Variants in PIK3R1 observed in about 807,000 individuals in gnomAD.
PIK3R1 encodes the protein phosphatidylinositol 3-kinase regulatory subunit alpha.
In PIK3R1, 29 loss-of-function variants were observed where a neutral mutation model predicts 98.0. That is an observed-to-expected ratio of 0.30 (90% CI 0.22 to 0.40). The LOEUF is 0.40. Ranked by LOEUF, PIK3R1 falls within the 10% of genes least tolerant of loss-of-function variation. The pLI is 1.00. For missense variants in PIK3R1, 596 were observed against 872.7 expected (o/e 0.68, Z 3.99); for synonymous variants, 282 against 311.8 (o/e 0.90, Z 1.01).
chr5:68,292,508 T>A (rs1480475045), intron 8 of PIK3R1, 147 bp downstream of exon 8: 54 of 1,508,852 alleles, frequency 3.6e-5, no homozygotes, highest in Non-Finnish European at 4.6e-5. Context: ...AAAAAGTCAC[T>A]GAGCACTGGA....
At chr5:68,256,519 C>T (rs755233308) in intron 2 of PIK3R1, among the ~76,000 whole-genome samples, 1 of 152,118 alleles carries the variant, frequency 6.6e-6, no homozygotes. Flanking sequence ...TGTGAGCCAC[C>T]GCACCCAGCA....
intron 2 of PIK3R1, among the ~76,000 whole-genome samples, chr5:68,258,344 CTTTGAA>C (rs35255745): frequency 0.016 from 2,440 of 152,250 alleles, 27 homozygotes; most frequent in Non-Finnish European, 0.025. Context: ...GTATTAGAGA[CTTTGAA>C]TTTGAGGATC....
intron 2 of PIK3R1, among the ~76,000 whole-genome samples, chr5:68,256,386 C>T (rs112422333): frequency 5.9e-4 from 90 of 152,222 alleles, no homozygotes; most frequent in Admixed American, 1.3e-3. Context: ...CCCGCCACCA[C>T]GCCCAGCTAA....
intron 2 of PIK3R1, among the ~76,000 whole-genome samples, chr5:68,251,709 T>G (rs889717346): frequency 1.3e-5 from 2 of 152,212 alleles, no homozygotes; most frequent in Admixed American, 6.5e-5. Context: ...TTTCAAGTTT[T>G]TCAGCCTTTT....
chr5:68,221,274 C>T (rs73126554), intron 1 of PIK3R1, among the ~76,000 whole-genome samples: 2,325 of 152,228 alleles, frequency 0.015, 67 homozygotes, highest in African/African-American at 0.053. Flanking sequence ...TAATTTTGTT[C>T]GTCTTGATTT....
intron 2 of PIK3R1, among the ~76,000 whole-genome samples, chr5:68,251,001 C>G (rs1745285620): frequency 6.6e-6 from 1 of 152,134 alleles, no homozygotes; most frequent in African/African-American, 2.4e-5. Context: ...GAAAGTTAAT[C>G]TGGTGCTCCG....
At position 68,239,683 on chromosome 5, in the gene PIK3R1, C is replaced by T. The variant is rs1235068453; in HGVS notation, c.334+12674C>T. Reference sequence around the variant, plus strand: ...CAACTGTGCAATACAGCGAAAGGGGCGCCGGGGGTTAATGTTCACACTGCT... The same window carrying T: ...CAACTGTGCAATACAGCGAAAGGGGTGCCGGGGGTTAATGTTCACACTGCT... On this transcript the variant is annotated intron_variant, in intron 2 of 15. Transcript: ENST00000521381. 5.3e-5 allele frequency among the ~76,000 whole-genome samples: 8 copies of T among 152,202 alleles called. No homozygotes were observed. The East Asian group carries it at 5.8e-4, about 11-fold the overall frequency.
In PIK3R1 at chr5:68,298,796, G is replaced by T; in HGVS notation, c.*1195G>T. The T allele has an allele frequency of 4.5e-6, 1 of 222,954 alleles. No individual in the cohort carries two copies. The highest frequency in any genetic ancestry group is 8.9e-6 in the Non-Finnish European group (1 of 112,300). 13.8% of individuals were successfully genotyped at this position (222,954 alleles called of 1,614,324 possible). A position where few individuals can be genotyped will look rare whatever the true frequency, so the allele number is the denominator to read the frequency against. The stretch of plus-strand genomic sequence containing the variant: ...AAGTATTGCTGAGTCCAACAATGTT[G>T]TTTTAAGACTCTTAAAATACGGTAC... On this transcript the variant is annotated 3_prime_UTR_variant, in exon 16 of 16. Transcript: ENST00000521381.
chr5:68,288,740 A>G (rs138360943), intron 7 of PIK3R1: 1 of 1,613,840 alleles, frequency 6.2e-7, no homozygotes, highest in South Asian at 1.1e-5. Context: ...GTTGAAATGC[A>G]TAACCTGCAA....
chr5:68,279,850 T>C, intron 5 of PIK3R1, 117 bp downstream of exon 5: 5 of 936,820 alleles, frequency 5.3e-6, no homozygotes, highest in Non-Finnish European at 8.0e-6. Flanking sequence ...AACCTGTCCC[T>C]CCCCCAACAA....
intron 12 of PIK3R1, 77 bp from the exon 13 acceptor site, chr5:68,295,060 TGGGAAACCATA>T (rs1296185624): frequency 2.4e-5 from 26 of 1,101,238 alleles, no homozygotes; most frequent in Non-Finnish European, 3.0e-5. Flanking sequence ...GGAAAACTGC[TGGGAAACCATA>T]GTGAAACTTT....
chr5:68,285,918 G>A (rs752494331), intron 7 of PIK3R1, among the ~76,000 whole-genome samples: 5 of 152,162 alleles, frequency 3.3e-5, no homozygotes, highest in Non-Finnish European at 7.3e-5. Flanking sequence ...ATTATGAAGA[G>A]AGGTATTCAT....
intron 2 of PIK3R1, among the ~76,000 whole-genome samples, chr5:68,246,613 A>C (rs1348544681): frequency 1.3e-5 from 2 of 151,864 alleles, no homozygotes; most frequent in African/African-American, 4.8e-5. Flanking sequence ...GCGCCCGTCC[A>C]TGTGTGTCTT....
At chr5:68,267,871 A>G (rs1746188066) in intron 2 of PIK3R1, among the ~76,000 whole-genome samples, 1 of 152,124 alleles carries the variant, frequency 6.6e-6, no homozygotes, top group Non-Finnish European at 1.5e-5. Context: ...ATGCAAATAT[A>G]TACAAGGCAA....
chr5:68,249,423 A>G (rs1004853237), intron 2 of PIK3R1, among the ~76,000 whole-genome samples: 2 of 152,222 alleles, frequency 1.3e-5, no homozygotes, highest in Non-Finnish European at 2.9e-5. Context: ...TTTCCATAAA[A>G]CCAGATGTAC....
chr5:68,225,127 A>G (rs1213499962), intron 1 of PIK3R1, among the ~76,000 whole-genome samples: 1 of 151,812 alleles, frequency 6.6e-6, no homozygotes, highest in Non-Finnish European at 1.5e-5. Context: ...TAGGGATCAC[A>G]TTTTCCTACT....
chr5:68,228,272 A>T (rs146257610), intron 2 of PIK3R1, among the ~76,000 whole-genome samples: 1 of 152,218 alleles, frequency 6.6e-6, no homozygotes, highest in East Asian at 1.9e-4. Context: ...ACAGAGAAAC[A>T]GAATGCAAGG....
chr5:68,292,533 G>C, intron 8 of PIK3R1, 172 bp downstream of exon 8: 6 of 1,518,558 alleles, frequency 4.0e-6, no homozygotes, highest in Non-Finnish European at 5.3e-6. Context: ...TGTGGGTGCT[G>C]GATGCCACAG....
intron 4 of PIK3R1, among the ~76,000 whole-genome samples, chr5:68,275,664 TA>T (rs200146317): frequency 1.6e-4 from 24 of 151,906 alleles, no homozygotes; most frequent in Non-Finnish European, 2.7e-4. Flanking sequence ...GAGTCTGTGC[TA>T]AAAAAAAGTG....
Sources: gnomAD v4.1 joint callset for allele counts (sites outside exome capture counted in the v4.1 genomes callset) on GRCh38, gnomAD v4.1.1 for gene constraint, MANE v1.5 for transcripts, NCBI Gene and HGNC (gene_info 2026-07-23, HGNC 2026-07-21) for gene names.